The following OTUD7A variants were observed in gnomAD, a reference collection of about 807,000 sequenced individuals.
OTUD7A encodes the protein OTU deubiquitinase 7A.
OTUD7A carries 12 observed loss-of-function variants against 65.7 expected under a neutral mutation model. The observed-to-expected ratio is 0.18, with a 90% CI of 0.12 to 0.30. The LOEUF (loss-of-function observed/expected upper bound fraction) is 0.30. Ranked by LOEUF, OTUD7A falls within the 10% of genes least tolerant of loss-of-function variation. The probability of loss-of-function intolerance (pLI) is 1.00; values close to 1 mark genes in which losing one functional copy is unlikely to be tolerated. For missense variants in OTUD7A, 1,148 were observed against 1,304.8 expected (o/e 0.88, Z 1.85); for synonymous variants, 641 against 586.3 (o/e 1.09, Z -1.35).
At chr15:31,808,116 C>CAT (rs1236329161) in intron 1 of OTUD7A, among the ~76,000 whole-genome samples, 22 of 107,924 alleles carry the variant, frequency 2.0e-4, no homozygotes, top group Non-Finnish European at 4.5e-4. Flanking sequence ...CACACACACA[C>CAT]ACACACACAC....
chr15:31,855,047 A>G (rs938705224), intron 1 of OTUD7A, among the ~76,000 whole-genome samples: 1 of 152,170 alleles, frequency 6.6e-6, no homozygotes, highest in African/African-American at 2.4e-5. Context: ...ATAAGACAAA[A>G]GAAACAATGT....
chr15:31,799,888 G>C (rs1046109238), intron 1 of OTUD7A, among the ~76,000 whole-genome samples: 1 of 152,070 alleles, frequency 6.6e-6, no homozygotes, highest in African/African-American at 2.4e-5. Flanking sequence ...CTGAAGATAC[G>C]GGGGAAGCAC....
intron 1 of OTUD7A, among the ~76,000 whole-genome samples, chr15:31,687,457 G>A (rs1022716828): frequency 6.6e-6 from 1 of 152,222 alleles, no homozygotes; most frequent in African/African-American, 2.4e-5. Context: ...TGTGTCTTGT[G>A]TCTGATAATA....
At chr15:31,683,239 TA>T (rs1002909213) in intron 1 of OTUD7A, among the ~76,000 whole-genome samples, 2 of 152,088 alleles carry the variant, frequency 1.3e-5, no homozygotes, top group African/African-American at 4.8e-5. Flanking sequence ...TTTTCCAAAA[TA>T]AAAAAATAAA....
At position 31,484,341 on chromosome 15, in the gene OTUD7A, C is replaced by T. The variant is rs1471331302; in HGVS notation, c.1755G>A (p.Ser585=). The T allele has an allele frequency of 5.0e-6, 8 of 1,600,446 alleles. No individual in the cohort carries two copies. In the East Asian group the frequency reaches 1.1e-4, roughly 22 times the overall value. The change falls in exon 13 of 13, where the codon TCG becomes TCA. Residue 585 remains serine, a synonymous_variant. Transcript: ENST00000307050. The surrounding 1 kb of genome is among the most constrained non-coding windows in gnomAD (Gnocchi z 4.5). The stretch of plus-strand genomic sequence containing the variant: ...TCTTTTCCGACGGCGACGTGCTGGC[C>T]GACGCACCAGACTCCTCCTTGCTGC... The part of the protein sequence containing the change: ...RKGSKEESGA[S]ASTSPSEKTT...
intron 1 of OTUD7A, among the ~76,000 whole-genome samples, chr15:31,785,916 T>G (rs1017218891): frequency 3.9e-5 from 6 of 152,246 alleles, no homozygotes; most frequent in African/African-American, 1.4e-4. Context: ...AAAACTCATG[T>G]TGAAACCTAA....
At chr15:31,853,327 A>G (rs1321790058) in intron 1 of OTUD7A, among the ~76,000 whole-genome samples, 4 of 152,164 alleles carry the variant, frequency 2.6e-5, no homozygotes, top group Non-Finnish European at 4.4e-5. Flanking sequence ...CTACTCCTCC[A>G]CACTTTCTTT....
intron 1 of OTUD7A, among the ~76,000 whole-genome samples, chr15:31,731,161 T>C (rs1894031758): frequency 1.3e-5 from 2 of 152,198 alleles, no homozygotes; most frequent in Admixed American, 1.3e-4. Flanking sequence ...ATGTGCATTT[T>C]CTCCTTCTCT....
intron 3 of OTUD7A, among the ~76,000 whole-genome samples, chr15:31,647,083 C>T (rs28529209): frequency 0.036 from 5,509 of 152,198 alleles, 344 homozygotes; most frequent in African/African-American, 0.13. Flanking sequence ...TCTGGTCTAA[C>T]GGCAGAGCTC....
intron 1 of OTUD7A, among the ~76,000 whole-genome samples, chr15:31,693,734 C>A (rs1893012108): frequency 6.6e-6 from 1 of 152,138 alleles, no homozygotes; most frequent in African/African-American, 2.4e-5. Flanking sequence ...GCTGAATCCT[C>A]CTCTCCATCC....
intron 1 of OTUD7A, among the ~76,000 whole-genome samples, chr15:31,698,954 T>C (rs1893146898): frequency 6.6e-6 from 1 of 152,118 alleles, no homozygotes; most frequent in African/African-American, 2.4e-5. Flanking sequence ...TAATAAGGAC[T>C]TACTGAGATA....
chr15:31,492,988 T>C (rs2041337629), intron 10 of OTUD7A, among the ~76,000 whole-genome samples: 1 of 152,058 alleles, frequency 6.6e-6, no homozygotes, highest in South Asian at 2.1e-4. Flanking sequence ...GGTGGATCAC[T>C]TGAGGTCAGG....
intron 3 of OTUD7A, among the ~76,000 whole-genome samples, chr15:31,606,203 G>A (rs1890234396): frequency 6.6e-6 from 1 of 152,190 alleles, no homozygotes; most frequent in Admixed American, 6.5e-5. Context: ...ACTCTTGCTA[G>A]ATATGCAGGG....
At chr15:31,797,142 T>C (rs918776879) in intron 1 of OTUD7A, among the ~76,000 whole-genome samples, 25 of 152,186 alleles carry the variant, frequency 1.6e-4, no homozygotes, top group African/African-American at 5.8e-4. Context: ...TAGTGGATGA[T>C]GGCACCTCGC....
At chr15:31,854,824 AAAC>A (rs1301559025) in intron 1 of OTUD7A, among the ~76,000 whole-genome samples, 2 of 152,118 alleles carry the variant, frequency 1.3e-5, no homozygotes, top group Non-Finnish European at 1.5e-5. Context: ...GGAAAAAAAA[AAAC>A]AACAACAACA....
At chr15:31,555,029 A>G (rs982568072) in intron 5 of OTUD7A, among the ~76,000 whole-genome samples, 4 of 152,068 alleles carry the variant, frequency 2.6e-5, no homozygotes, top group Admixed American at 6.5e-5. Context: ...GGGAGTTCAG[A>G]CTGGCACCCC....
At chr15:31,764,706 A>T (rs1895054611) in intron 1 of OTUD7A, among the ~76,000 whole-genome samples, 2 of 151,054 alleles carry the variant, frequency 1.3e-5, no homozygotes, top group Non-Finnish European at 3.0e-5. Flanking sequence ...CACCTAGATT[A>T]AAAAAAAATA....
At chr15:31,768,297 C>T in intron 1 of OTUD7A, 2 of 663,718 alleles carry the variant, frequency 3.0e-6, no homozygotes, top group South Asian at 3.4e-5. Flanking sequence ...ACCATTGGCT[C>T]TGCCGCCAAC....
chr15:31,546,965 G>A (rs551518110), intron 5 of OTUD7A, among the ~76,000 whole-genome samples: 9 of 148,492 alleles, frequency 6.1e-5, no homozygotes, highest in Admixed American at 4.8e-4. Context: ...TTTCTTGTCT[G>A]AGTCCTTGTT....
Sources: allele counts gnomAD v4.1 joint callset (sites outside exome capture counted in the v4.1 genomes callset), GRCh38; gene constraint gnomAD v4.1.1; non-coding constraint Gnocchi (gnomAD v3.1); transcripts MANE v1.5; gene names NCBI Gene and HGNC (gene_info 2026-07-23, HGNC 2026-07-21).